Variants in ZSWIM4 observed in about 807,000 individuals in gnomAD.
ZSWIM4 encodes zinc finger SWIM domain-containing protein 4.
ZSWIM4 carries 62 observed loss-of-function variants against 102.5 expected under a neutral mutation model. That is an observed-to-expected ratio of 0.60 (90% CI 0.49 to 0.75). The LOEUF is 0.75. Ranked by LOEUF, ZSWIM4 falls within the 30% of genes least tolerant of loss-of-function variation. ZSWIM4 has a pLI of 0.00. For synonymous variants in ZSWIM4, 652 were observed against 674.5 expected (o/e 0.97, Z 0.52); for missense variants, 1,280 against 1,529.6 (o/e 0.84, Z 2.72).
chr19:13,817,624 C>T, intron 8 of ZSWIM4, 98 bp from the exon 9 acceptor site: 1 of 1,452,094 alleles, frequency 6.9e-7, no homozygotes, highest in Non-Finnish European at 9.3e-7. Context: ...CCCTCTAAAG[C>T]CTACCCTGCG....
intron 2 of ZSWIM4, among the ~76,000 whole-genome samples, chr19:13,803,811 A>AAAG (rs1482494148): frequency 6.7e-6 from 1 of 149,876 alleles, no homozygotes; most frequent in Admixed American, 6.6e-5. Context: ...TCTCAGAAAA[A>AAAG]AAAAAAAAAA....
intron 2 of ZSWIM4, among the ~76,000 whole-genome samples, chr19:13,803,358 C>T (rs1012303362): frequency 3.9e-5 from 6 of 152,208 alleles, no homozygotes; most frequent in Admixed American, 6.5e-5. Context: ...TCGCCCCAAG[C>T]GCCACGGGTC....
In ZSWIM4 at chr19:13,808,924, G is replaced by GCTA. The variant is rs1568331922; in HGVS notation, c.804_806dup (p.Leu269dup). 3 of 1,611,708 alleles carry GCTA rather than the reference G, an allele frequency of 1.9e-6. No homozygotes were observed. Among genetic ancestry groups the GCTA allele is most frequent in the Admixed American group, 1.7e-5 (1 of 59,618 alleles). The stretch of plus-strand genomic sequence containing the variant: ...AGCAGATCCAGGAGCAGGTGAAGCA[G>GCTA]CTACTGTCCAATGGCGGCTACTACG... On this transcript the variant is annotated inframe_insertion, in exon 4 of 14. Transcript: ENST00000590508.
intron 1 of ZSWIM4, among the ~76,000 whole-genome samples, chr19:13,798,251 G>A (rs1029131509): frequency 6.6e-6 from 1 of 152,076 alleles, no homozygotes; most frequent in Non-Finnish European, 1.5e-5. Context: ...CAATCCTCCT[G>A]CCTCAGCCTC....
Position 13,830,635 on chromosome 19 carries a change from C to G in ZSWIM4, c.2906C>G (p.Ser969Cys), listed in dbSNP as rs1568348728. 5.6e-6 allele frequency: 9 copies of G among 1,601,014 alleles called. No homozygotes were observed. Among genetic ancestry groups the G allele is most frequent in the Non-Finnish European group, 7.6e-6 (9 of 1,179,790 alleles). ...GTCAACGACGTGCTTTGGGCCTGCT[C>G]TCTCAGCCACTCCCTGGGCCGGCAC... The part of the protein sequence containing the change: ...PAVNDVLWAC[S>C]LSHSLGRHEL... The change falls in exon 14 of 14, where the codon TCT becomes TGT. Residue 969 changes from serine to cysteine, a missense_variant. Physicochemically the swap from Ser to Cys is moderately radical, Grantham distance 112. Coordinates refer to ENST00000590508, the MANE Select transcript of ZSWIM4 (RefSeq NM_001367834.3).
At chr19:13,810,087 C>T (rs779707659) in intron 5 of ZSWIM4, among the ~76,000 whole-genome samples, 5 of 150,150 alleles carry the variant, frequency 3.3e-5, no homozygotes, top group Admixed American at 6.6e-5. Context: ...CTCCGCCCTC[C>T]GGGTTCACAC....
intron 2 of ZSWIM4, among the ~76,000 whole-genome samples, chr19:13,802,735 C>T (rs1974808047): frequency 6.6e-6 from 1 of 152,054 alleles, no homozygotes; most frequent in South Asian, 2.1e-4. Context: ...CAGGCCACCA[C>T]ACTTGACTAG....
At chr19:13,805,193 C>T (rs1974887182) in intron 3 of ZSWIM4, 45 bp downstream of exon 3, 3 of 1,496,248 alleles carry the variant, frequency 2.0e-6, no homozygotes, top group South Asian at 2.3e-5. Context: ...TGCCCAAGCG[C>T]ACAGCCACGC....
chr19:13,817,989 C>G lies in ZSWIM4; in HGVS notation c.1924+13C>G, dbSNP rs1438629441. 10 of 1,483,414 alleles carry G rather than the reference C, an allele frequency of 6.7e-6. No individual in the cohort carries two copies. Among genetic ancestry groups the G allele is most frequent in the Non-Finnish European group, 9.0e-6 (10 of 1,112,772 alleles). 91.9% of individuals were successfully genotyped at this position (1,483,414 alleles called of 1,614,324 possible). ...CTGCTGCTGGAAGGTGAGGCCGCGC[C>G]CCTAGGCCTGGCTGTTGCTGAAGGG... is the stretch of plus-strand genomic sequence containing the variant. On this transcript the variant is annotated intron_variant, in intron 9 of 13. Coordinates refer to ENST00000590508, the MANE Select transcript of ZSWIM4 (RefSeq NM_001367834.3).
At chr19:13,804,737 A>G in intron 2 of ZSWIM4, 55 bp from the exon 3 acceptor site, 1 of 1,472,900 alleles carries the variant, frequency 6.8e-7, no homozygotes, top group Non-Finnish European at 9.2e-7. Flanking sequence ...TGTGTACCAC[A>G]AACACCGCCT....
In ZSWIM4 at chr19:13,814,770, AC is replaced by A; in HGVS notation, c.1441del (p.Arg481AlafsTer22). On this transcript the variant is annotated frameshift_variant, in exon 7 of 14. Coordinates refer to ENST00000590508, the MANE Select transcript of ZSWIM4 (RefSeq NM_001367834.3). LOFTEE classifies it high-confidence loss of function. ...ARVDTLRAHGYPRQALRLASA... is the reference protein window; with the variant it reads ...ARVDTLRAHGXPRQALRLASA... ...GTGGACACCCTGCGTGCCCACGGAT[AC>A]CCCCGCCAGGCCCTGCGGCTGGCAA... 1 of 1,285,790 alleles carries A rather than the reference AC, an allele frequency of 7.8e-7. No individual in the cohort carries two copies. Among genetic ancestry groups the A allele is most frequent in the African/African-American group, 1.5e-5 (1 of 65,734 alleles). The allele number at this position is 1,285,790 out of a possible 1,614,324, so 79.6% of individuals were successfully genotyped here. A position where few individuals can be genotyped will look rare whatever the true frequency, so the allele number is the denominator to read the frequency against.
intron 13 of ZSWIM4, among the ~76,000 whole-genome samples, chr19:13,829,311 C>T (rs10424238): frequency 0.29 from 44,158 of 151,628 alleles, 6,998 homozygotes; most frequent in African/African-American, 0.43. Flanking sequence ...AGAAAGAGGG[C>T]CAGGCGCAGT....
At chr19:13,826,766 G>C (rs1023953247) in intron 12 of ZSWIM4, among the ~76,000 whole-genome samples, 2 of 151,926 alleles carry the variant, frequency 1.3e-5, no homozygotes, top group Non-Finnish European at 1.5e-5. Flanking sequence ...CTCCGTCTTG[G>C]GGAAGAAAAA....
chr19:13,801,387 GA>G (rs1379795705), intron 2 of ZSWIM4, among the ~76,000 whole-genome samples: 1 of 152,188 alleles, frequency 6.6e-6, no homozygotes, highest in East Asian at 1.9e-4. Flanking sequence ...GAGGATCAGA[GA>G]AGCAGCTGTC....
Position 13,819,497 on chromosome 19 carries a change from G to A in ZSWIM4, c.2060+5G>A. The A allele has an allele frequency of 6.3e-7, 1 of 1,591,180 alleles. No individual in the cohort carries two copies. The highest frequency in any genetic ancestry group is 8.6e-7 in the Non-Finnish European group (1 of 1,168,840). The stretch of plus-strand genomic sequence containing the variant: ...CCTCGCGCTGCGAGCTATGAGGTGA[G>A]GATAGGTGGCCAAGGCAGTGGCAGG... On this transcript the variant is annotated splice_donor_5th_base_variant and intron_variant, in intron 10 of 13. Coordinates refer to ENST00000590508, the MANE Select transcript of ZSWIM4 (RefSeq NM_001367834.3).
intron 6 of ZSWIM4, among the ~76,000 whole-genome samples, chr19:13,814,117 C>T (rs1336517039): frequency 2.7e-5 from 4 of 147,080 alleles, no homozygotes; most frequent in South Asian, 2.2e-4. Flanking sequence ...AGTGCAGTGA[C>T]GCAACCTTGG....
At position 13,814,788 on chromosome 19, in the gene ZSWIM4, G is replaced by A. The variant is rs747433511; in HGVS notation, c.1454G>A (p.Arg485Gln). The change falls in exon 7 of 14, where the codon CGG (arginine) becomes CAG (glutamine). Residue 485 changes from arginine (R) to glutamine (Q), a missense_variant. By Grantham distance (43) the Arg-to-Gln change is conservative. Transcript: ENST00000590508. ...CACGGATACCCCCGCCAGGCCCTGC[G>A]GCTGGCAAGTGCCATCATCAACACA... ...RAHGYPRQAL[R>Q]LASAIINTLR... 128 of 1,285,128 alleles carry A rather than the reference G, an allele frequency of 1.0e-4. No individual in the cohort carries two copies. The highest frequency in any genetic ancestry group is 4.3e-4 in the Middle Eastern group (2 of 4,702). The allele number at this position is 1,285,128 out of a possible 1,614,324, so 79.6% of individuals were successfully genotyped here. A position where few individuals can be genotyped will look rare whatever the true frequency, so the allele number is the denominator to read the frequency against.
chr19:13,810,976 C>G (rs1361409734), intron 5 of ZSWIM4, among the ~76,000 whole-genome samples: 3 of 144,420 alleles, frequency 2.1e-5, no homozygotes, highest in African/African-American at 5.3e-5. Context: ...TGCAGTGGCA[C>G]GATCTCGGCT....
At chr19:13,811,695 A>T (rs749690390) in intron 5 of ZSWIM4, among the ~76,000 whole-genome samples, 3 of 152,130 alleles carry the variant, frequency 2.0e-5, no homozygotes, top group African/African-American at 7.2e-5. Flanking sequence ...GGCTTTATTT[A>T]TAGATACTTA....
Sources: allele counts gnomAD v4.1 joint callset (sites outside exome capture counted in the v4.1 genomes callset), GRCh38; gene constraint gnomAD v4.1.1; transcripts MANE v1.5; gene names NCBI Gene and HGNC (gene_info 2026-07-23, HGNC 2026-07-21).